The following RAP1GAP2 variants were observed in gnomAD, a reference collection of about 807,000 sequenced individuals.
RAP1GAP2 encodes the protein rap1 GTPase-activating protein 2.
RAP1GAP2 carries 27 observed loss-of-function variants against 95.0 expected under a neutral mutation model. That is an observed-to-expected ratio of 0.28 (90% confidence interval 0.21 to 0.39). The LOEUF (loss-of-function observed/expected upper bound fraction) is 0.39. Ranked by LOEUF, RAP1GAP2 falls within the 10% of genes least tolerant of loss-of-function variation. The pLI is 1.00. For synonymous variants in RAP1GAP2, 373 were observed against 380.9 expected (o/e 0.98, Z 0.24); for missense variants, 771 against 970.0 (o/e 0.79, Z 2.72).
At chr17:2,971,607 T>C (rs2044869491) in intron 8 of RAP1GAP2, among the ~76,000 whole-genome samples, 1 of 151,976 alleles carries the variant, frequency 6.6e-6, no homozygotes, top group Non-Finnish European at 1.5e-5. Context: ...AAAATAAAAA[T>C]AAGAGTGATA....
At chr17:2,972,771 A>G (rs998432011) in intron 8 of RAP1GAP2, among the ~76,000 whole-genome samples, 1 of 152,002 alleles carries the variant, frequency 6.6e-6, no homozygotes, top group Non-Finnish European at 1.5e-5. Flanking sequence ...ACTATAGCCA[A>G]GAAAGAGTTA....
intron 2 of RAP1GAP2, among the ~76,000 whole-genome samples, chr17:2,810,019 CT>C (rs78075257): frequency 0.41 from 34,178 of 84,136 alleles, 7,607 homozygotes; most frequent in African/African-American, 0.59. Context: ...TGCTGGGACC[CT>C]CCCCTCCCCC....
intron 2 of RAP1GAP2, among the ~76,000 whole-genome samples, chr17:2,836,472 A>G (rs2071135028): frequency 6.6e-6 from 1 of 151,998 alleles, no homozygotes; most frequent in Admixed American, 6.6e-5. Context: ...TCTCTCTTAA[A>G]AACACAAAAA....
intron 2 of RAP1GAP2, among the ~76,000 whole-genome samples, chr17:2,820,911 T>TG (rs1300122258): frequency 8.8e-4 from 125 of 141,422 alleles, no homozygotes; most frequent in African/African-American, 3.0e-3. Flanking sequence ...TTTTTTTTTG[T>TG]ATTTTTAGTA....
chr17:2,965,854 G>T lies in RAP1GAP2; in HGVS notation c.596+211G>T. ...CGCTCCACCAGTTAGCTGACAGTCAGAGGGGCATCCAGGTCTCAAGGTCAC... is the reference window on the plus strand; with the variant it reads ...CGCTCCACCAGTTAGCTGACAGTCATAGGGGCATCCAGGTCTCAAGGTCAC... On this transcript the variant is annotated intron_variant, in intron 8 of 24. Coordinates refer to ENST00000254695, the MANE Select transcript of RAP1GAP2 (RefSeq NM_015085.5). The surrounding 1 kb of genome is among the most constrained non-coding windows in gnomAD (Gnocchi z 4.7). 1.8e-6 allele frequency: 1 copy of T among 571,198 alleles called. No individual in the cohort carries two copies. The highest frequency in any genetic ancestry group is 2.9e-5 in the East Asian group (1 of 34,404). The allele number at this position is 571,198 out of a possible 1,614,324, so 35.4% of individuals were successfully genotyped here.
At chr17:2,760,847 C>T (rs940334247) in intron 1 of RAP1GAP2, among the ~76,000 whole-genome samples, 1 of 152,122 alleles carries the variant, frequency 6.6e-6, no homozygotes, top group Non-Finnish European at 1.5e-5. Context: ...TGTAGATTGC[C>T]ACTCACTCAG....
chr17:2,869,911 C>T (rs933052364), intron 2 of RAP1GAP2, among the ~76,000 whole-genome samples: 11 of 152,106 alleles, frequency 7.2e-5, no homozygotes, highest in Admixed American at 1.3e-4. Context: ...AACGTGGCTC[C>T]GGGCCACGTG....
At chr17:2,829,835 T>TTTTTA (rs2070751825) in intron 2 of RAP1GAP2, among the ~76,000 whole-genome samples, 1 of 150,384 alleles carries the variant, frequency 6.6e-6, no homozygotes, top group African/African-American at 2.5e-5. Flanking sequence ...TTTTTTTTTT[T>TTTTTA]GAGATGAGAT....
rs1446409899 is a variant in RAP1GAP2, at chr17:2,963,083, A to G, written c.247-347A>G. On this transcript the variant is annotated intron_variant, in intron 5 of 24. Coordinates refer to ENST00000254695, the MANE Select transcript of RAP1GAP2 (RefSeq NM_015085.5). This position sits in a 1 kb window ranked among gnomAD's most constrained non-coding sequence, Gnocchi z 4.8. ...TCCCAACCCAGGGGTGCCGCTTATC[A>G]CTTGGAGGTCAGTCCGCCTGCCTGG... 1 of 524,468 alleles carries G rather than the reference A, an allele frequency of 1.9e-6. No individual in the cohort carries two copies. The highest frequency in any genetic ancestry group is 1.9e-5 in the African/African-American group (1 of 51,754). 32.5% of individuals were successfully genotyped at this position (524,468 alleles called of 1,614,324 possible). A position where few individuals can be genotyped will look rare whatever the true frequency, so the allele number is the denominator to read the frequency against.
intron 3 of RAP1GAP2, among the ~76,000 whole-genome samples, chr17:2,943,945 C>T (rs1035925946): frequency 1.4e-4 from 22 of 152,074 alleles, no homozygotes; most frequent in Admixed American, 5.9e-4. Flanking sequence ...GTCAGGAGAT[C>T]GAGACCATCC....
At chr17:2,814,923 G>A (rs2069938681) in intron 2 of RAP1GAP2, among the ~76,000 whole-genome samples, 1 of 152,108 alleles carries the variant, frequency 6.6e-6, no homozygotes, top group Admixed American at 6.5e-5. Flanking sequence ...TGGAATTGAG[G>A]AGCTTTGTTC....
At chr17:3,013,213 G>A (rs1257888192) in intron 17 of RAP1GAP2, among the ~76,000 whole-genome samples, 1 of 152,228 alleles carries the variant, frequency 6.6e-6, no homozygotes, top group Non-Finnish European at 1.5e-5. Flanking sequence ...CGCAGTACCT[G>A]CAGGGAGGTA....
chr17:2,920,815 A>G (rs1244239516), intron 3 of RAP1GAP2, among the ~76,000 whole-genome samples: 1 of 151,526 alleles, frequency 6.6e-6, no homozygotes, highest in East Asian at 1.9e-4. Context: ...CATAGACTCT[A>G]CTCCACTGAG....
chr17:2,969,783 C>T (rs747429506), intron 8 of RAP1GAP2, among the ~76,000 whole-genome samples: 2 of 151,802 alleles, frequency 1.3e-5, no homozygotes, highest in African/African-American at 4.8e-5. Flanking sequence ...GGATTACAGG[C>T]GTGAGTCACC....
At chr17:2,832,378 G>A (rs1350318046) in intron 2 of RAP1GAP2, among the ~76,000 whole-genome samples, 2 of 150,758 alleles carry the variant, frequency 1.3e-5, no homozygotes, top group Admixed American at 6.6e-5. Context: ...CTAAAACGGT[G>A]AAACCCCATC....
chr17:3,036,714 A>G lies in RAP1GAP2; in HGVS notation c.*3353A>G, dbSNP rs2047474650. The G allele has an allele frequency of 6.6e-6, 1 of 152,522 alleles. No homozygotes were observed. The highest frequency in any genetic ancestry group is 2.4e-5 in the African/African-American group (1 of 41,424). The allele number at this position is 152,522 out of a possible 1,614,324, so 9.4% of individuals were successfully genotyped here. ...CCACCCTCAGCTTCCCTTTTCCTAA[A>G]TTAAGAGGAAAAGTGGTCAAAGAAA... is the stretch of plus-strand genomic sequence containing the variant. On this transcript the variant is annotated 3_prime_UTR_variant, in exon 25 of 25. Transcript: ENST00000254695.
chr17:2,849,163 T>G (rs754287611), intron 2 of RAP1GAP2, among the ~76,000 whole-genome samples: 1 of 152,146 alleles, frequency 6.6e-6, no homozygotes, highest in Non-Finnish European at 1.5e-5. Flanking sequence ...TCCCAAAGGT[T>G]GTGTGGTCCA....
intron 17 of RAP1GAP2, among the ~76,000 whole-genome samples, chr17:3,014,702 A>G (rs550500693): frequency 6.6e-6 from 1 of 152,094 alleles, no homozygotes; most frequent in African/African-American, 2.4e-5. Context: ...GGCACACACC[A>G]CCATGCCTGG....
At chr17:2,958,113 A>G (rs1567822827) in intron 4 of RAP1GAP2, among the ~76,000 whole-genome samples, 1 of 152,042 alleles carries the variant, frequency 6.6e-6, no homozygotes, top group Non-Finnish European at 1.5e-5. Context: ...GCTGGAAAGA[A>G]GGCCTGAAAG....
Sources: gnomAD v4.1 joint callset for allele counts (sites outside exome capture counted in the v4.1 genomes callset) on GRCh38, gnomAD v4.1.1 for gene constraint, Gnocchi (gnomAD v3.1) non-coding constraint, MANE v1.5 for transcripts, NCBI Gene and HGNC (gene_info 2026-07-23, HGNC 2026-07-21) for gene names.